SLC35F4: variants seen among roughly 807,000 people sequenced by gnomAD.
SLC35F4 encodes chromosome 14 open reading frame 36.
In SLC35F4, 24 loss-of-function variants were observed where a neutral mutation model predicts 44.2. The observed-to-expected ratio is 0.54, with a 90% CI of 0.39 to 0.76. The LOEUF (loss-of-function observed/expected upper bound fraction) is 0.76. Ranked by LOEUF, SLC35F4 falls within the 30% of genes least tolerant of loss-of-function variation. The pLI, the probability that SLC35F4 is intolerant of heterozygous loss-of-function variation, is 0.00. For missense variants in SLC35F4, 562 were observed against 586.1 expected, an observed-to-expected ratio of 0.96 and a Z score of 0.42; for synonymous variants, 238 against 223.6, an observed-to-expected ratio of 1.06 and a Z score of -0.57.
chr14:57,708,665 T>C (rs1053828595), intron 1 of SLC35F4, among the ~76,000 whole-genome samples: 3 of 151,932 alleles, frequency 2.0e-5, no homozygotes, highest in Non-Finnish European at 4.4e-5. Flanking sequence ...GACGAGAGAT[T>C]GTAGAAATAA....
intron 3 of SLC35F4, among the ~76,000 whole-genome samples, chr14:57,583,820 T>C (rs377032522): frequency 1.3e-5 from 2 of 151,940 alleles, no homozygotes; most frequent in Non-Finnish European, 1.5e-5. Flanking sequence ...CTAAGAAACA[T>C]GAAAACTGAA....
chr14:57,921,763 C>T (rs533451281), intron 1 of SLC35F4, among the ~76,000 whole-genome samples: 2 of 152,156 alleles, frequency 1.3e-5, no homozygotes, highest in African/African-American at 4.8e-5. Context: ...CACTGGATTA[C>T]GGGCCCACTA....
In SLC35F4 at chr14:57,575,782, C is replaced by T. The variant is rs146633243; in HGVS notation, c.808-3763G>A. 8.3e-4 allele frequency among the ~76,000 whole-genome samples: 126 copies of T among 152,188 alleles called. 1 individual carries two copies. The highest frequency in any genetic ancestry group is 6.4e-3 in the East Asian group (33 of 5,168). On this transcript the variant is annotated intron_variant, in intron 4 of 7. Coordinates refer to ENST00000556826, the MANE Select transcript of SLC35F4 (RefSeq NM_001306087.2). The stretch of plus-strand genomic sequence containing the variant: ...AGCTCTCTGCACTAATTTTCAGAGC[C>T]AATCAGAAGGGATCCGTGTGGCCAT...
At chr14:57,851,661 C>T (rs1011708761) in intron 1 of SLC35F4, among the ~76,000 whole-genome samples, 3 of 152,132 alleles carry the variant, frequency 2.0e-5, no homozygotes, top group Non-Finnish European at 2.9e-5. Context: ...CACTAAAAGC[C>T]TACCTGAGAG....
chr14:57,905,845 C>T (rs1889095148), intron 1 of SLC35F4, among the ~76,000 whole-genome samples: 1 of 152,058 alleles, frequency 6.6e-6, no homozygotes, highest in African/African-American at 2.4e-5. Context: ...CTACAGGAGA[C>T]AGGAGCATGA....
intron 1 of SLC35F4, chr14:57,630,564 G>C (rs1342031066): frequency 1.9e-6 from 2 of 1,055,748 alleles, no homozygotes; most frequent in East Asian, 4.8e-5. Context: ...TCTGGCTCAA[G>C]ATATGAAAAG....
At chr14:57,954,892 A>G (rs991477036) in intron 1 of SLC35F4, among the ~76,000 whole-genome samples, 12 of 151,656 alleles carry the variant, frequency 7.9e-5, no homozygotes, top group African/African-American at 2.4e-4. Flanking sequence ...ATTCCAGACA[A>G]TAGAAAAAGA....
downstream of SLC35F4, among the ~76,000 whole-genome samples, chr14:57,974,509 G>C (rs938627597): frequency 6.6e-6 from 1 of 152,172 alleles, no homozygotes; most frequent in Non-Finnish European, 1.5e-5. Flanking sequence ...CAGGCTGCTA[G>C]ACAAGTATCT....
At chr14:57,828,170 G>A (rs1706357917) in intron 1 of SLC35F4, among the ~76,000 whole-genome samples, 1 of 152,128 alleles carries the variant, frequency 6.6e-6, no homozygotes, top group South Asian at 2.1e-4. Context: ...TCAGATGCAC[G>A]TTTGAATCTT....
intron 1 of SLC35F4, among the ~76,000 whole-genome samples, chr14:57,669,511 A>G (rs1434247881): frequency 6.6e-6 from 1 of 152,016 alleles, no homozygotes; most frequent in Non-Finnish European, 1.5e-5. Flanking sequence ...TCCCATCAAT[A>G]CCTAATTTAT....
At chr14:57,873,552 G>A (rs1888336709) in intron 1 of SLC35F4, among the ~76,000 whole-genome samples, 1 of 151,990 alleles carries the variant, frequency 6.6e-6, no homozygotes, top group African/African-American at 2.4e-5. Flanking sequence ...ATATTAAGTG[G>A]TGAAAAAAAT....
chr14:57,791,410 C>A (rs1269958585), intron 1 of SLC35F4, among the ~76,000 whole-genome samples: 1 of 152,134 alleles, frequency 6.6e-6, no homozygotes, highest in Non-Finnish European at 1.5e-5. Context: ...TAGATACATG[C>A]AAATCAAAAC....
At chr14:57,830,940 A>T (rs1446061162) in intron 1 of SLC35F4, among the ~76,000 whole-genome samples, 1 of 152,192 alleles carries the variant, frequency 6.6e-6, no homozygotes, top group Non-Finnish European at 1.5e-5. Context: ...ACTTGTATAG[A>T]GAACACCAGC....
At chr14:57,919,591 C>A (rs528036230) in intron 1 of SLC35F4, among the ~76,000 whole-genome samples, 1 of 152,216 alleles carries the variant, frequency 6.6e-6, no homozygotes, top group African/African-American at 2.4e-5. Flanking sequence ...ATTTTATATT[C>A]CAGGGGTGGA....
chr14:57,720,301 A>G (rs1342029777), intron 1 of SLC35F4, among the ~76,000 whole-genome samples: 3 of 152,044 alleles, frequency 2.0e-5, no homozygotes, highest in African/African-American at 4.8e-5. Flanking sequence ...TTCTTTTTTT[A>G]ACGTGCCTTT....
At chr14:57,727,097 G>C (rs1397383399) in intron 1 of SLC35F4, among the ~76,000 whole-genome samples, 26 of 150,766 alleles carry the variant, frequency 1.7e-4, no homozygotes, top group Non-Finnish European at 5.9e-5. Flanking sequence ...GATCGTGTGA[G>C]TTAATACTTA....
intron 1 of SLC35F4, among the ~76,000 whole-genome samples, chr14:57,823,104 C>T (rs1264655931): frequency 6.6e-6 from 1 of 152,098 alleles, no homozygotes; most frequent in African/African-American, 2.4e-5. Context: ...CCCACAGTCC[C>T]CCACTGCACT....
At chr14:57,839,591 C>T (rs1885289564) in intron 1 of SLC35F4, among the ~76,000 whole-genome samples, 1 of 151,952 alleles carries the variant, frequency 6.6e-6, no homozygotes, top group Non-Finnish European at 1.5e-5. Flanking sequence ...CACACTGGGG[C>T]CTTTTCAGGG....
rs1236279472 is a variant in SLC35F4, at chr14:57,802,399, T to C, written c.103+63324A>G. On this transcript the variant is annotated intron_variant, in intron 1 of 7. Transcript: ENST00000556826. ...CTAGAAAGATCTCAACAACCTAACA[T>C]CTCAACTATAACTAGAGAACCGAGA... 2.0e-5 allele frequency among the ~76,000 whole-genome samples: 3 copies of C among 151,252 alleles called. No individual in the cohort carries two copies. In the East Asian group the frequency reaches 5.8e-4, roughly 29 times the overall value.
Sources: gnomAD v4.1 joint callset for allele counts (sites outside exome capture counted in the v4.1 genomes callset) on GRCh38, gnomAD v4.1.1 for gene constraint, MANE v1.5 for transcripts, NCBI Gene and HGNC (gene_info 2026-07-23, HGNC 2026-07-21) for gene names.